The following SAE1 variants were observed in gnomAD, a reference collection of about 807,000 sequenced individuals.
The protein encoded by SAE1 is SUMO1 activating enzyme subunit 1, also known as SUMO-activating enzyme subunit 1.
SAE1 carries 11 observed loss-of-function variants against 40.6 expected under a neutral mutation model. That is an observed-to-expected ratio of 0.27 (90% CI 0.17 to 0.45). The LOEUF is 0.45. Ranked by LOEUF, SAE1 falls within the 20% of genes least tolerant of loss-of-function variation. The probability of loss-of-function intolerance (pLI) is 1.00; values close to 1 mark genes in which losing one functional copy is unlikely to be tolerated. For synonymous variants in SAE1, 155 were observed against 154.3 expected (o/e 1.00, Z -0.03); for missense variants, 373 against 427.3 (o/e 0.87, Z 1.12).
At position 47,209,420 on chromosome 19, in the gene SAE1, C is replaced by T. The variant is rs1440493125; in HGVS notation, c.*169C>T. The T allele has an allele frequency of 1.7e-6, 2 of 1,177,792 alleles. No individual in the cohort carries two copies. Among genetic ancestry groups the T allele is most frequent in the African/African-American group, 3.1e-5 (2 of 65,262 alleles). The allele number at this position is 1,177,792 out of a possible 1,614,324, so 73.0% of individuals were successfully genotyped here. Reference sequence around the variant, plus strand: ...GGTGCCGACGTGCTGCTTCCCATCACCAGCAGCTGCTCGACAAGGGGCGCA... The same window carrying T: ...GGTGCCGACGTGCTGCTTCCCATCATCAGCAGCTGCTCGACAAGGGGCGCA... On this transcript the variant is annotated 3_prime_UTR_variant, in exon 9 of 9. Transcript: ENST00000270225.
At chr19:47,151,064 C>T (rs1049116778) in intron 3 of SAE1, among the ~76,000 whole-genome samples, 1 of 151,970 alleles carries the variant, frequency 6.6e-6, no homozygotes, top group African/African-American at 2.4e-5. Context: ...GTGAAATAGT[C>T]ATAGATGAGC....
At chr19:47,140,562 A>G (rs371839813) in intron 1 of SAE1, among the ~76,000 whole-genome samples, 1 of 151,116 alleles carries the variant, frequency 6.6e-6, no homozygotes, top group Non-Finnish European at 1.5e-5. Flanking sequence ...AGAGGCAGGA[A>G]GATTGCTTGA....
chr19:47,179,064 C>T (rs2058487900), intron 6 of SAE1, among the ~76,000 whole-genome samples: 1 of 151,260 alleles, frequency 6.6e-6, no homozygotes, highest in South Asian at 2.1e-4. Flanking sequence ...TGGTGGCGGG[C>T]GTCTGTAGTC....
At chr19:47,157,066 G>GAAACCACAAAAGAGACTGCAGA (rs1205625812) in intron 5 of SAE1, among the ~76,000 whole-genome samples, 1 of 152,208 alleles carries the variant, frequency 6.6e-6, no homozygotes, top group East Asian at 1.9e-4. Context: ...AAAGAGTGCA[G>GAAACCACAAAAGAGACTGCAGA]AAACCACAAA....
intron 5 of SAE1, among the ~76,000 whole-genome samples, chr19:47,160,295 C>T (rs902971007): frequency 2.8e-5 from 4 of 143,990 alleles, no homozygotes; most frequent in Non-Finnish European, 6.0e-5. Context: ...GATCTCGGCT[C>T]ACTGCAACCT....
intron 6 of SAE1, among the ~76,000 whole-genome samples, chr19:47,181,088 A>G (rs1339453183): frequency 6.6e-6 from 1 of 152,152 alleles, no homozygotes; most frequent in African/African-American, 2.4e-5. Flanking sequence ...AAGCCGAGGC[A>G]GGTGGATCAC....
Position 47,209,332 on chromosome 19 carries a change from C to G in SAE1, c.*81C>G. ...CTGTCCCCTTCCTTCATGAAGGCAT[C>G]TCCAGGCAAGGAAAACTGAAGTCAT... On this transcript the variant is annotated 3_prime_UTR_variant, in exon 9 of 9. Transcript: ENST00000270225. 1 of 1,605,944 alleles carries G rather than the reference C, an allele frequency of 6.2e-7. No homozygotes were observed. The highest frequency in any genetic ancestry group is 1.3e-5 in the African/African-American group (1 of 74,834).
At chr19:47,168,125 G>A (rs947306806) in intron 5 of SAE1, among the ~76,000 whole-genome samples, 14 of 152,106 alleles carry the variant, frequency 9.2e-5, no homozygotes, top group Non-Finnish European at 1.8e-4. Flanking sequence ...CCCAGGACAC[G>A]GAGGTTGCAG....
chr19:47,184,803 G>T (rs200452248), intron 6 of SAE1, among the ~76,000 whole-genome samples: 1 of 69,886 alleles, frequency 1.4e-5, no homozygotes, highest in South Asian at 6.5e-4. Context: ...TTTTGTTTTT[G>T]TTTTGTTTTG....
At chr19:47,147,268 A>G (rs1189346891) in intron 2 of SAE1, among the ~76,000 whole-genome samples, 1 of 123,976 alleles carries the variant, frequency 8.1e-6, no homozygotes, top group Non-Finnish European at 1.6e-5. Context: ...TGCAGTGGGC[A>G]TGATCATGGC....
chr19:47,180,557 G>A (rs916654225), intron 6 of SAE1, among the ~76,000 whole-genome samples: 2 of 152,102 alleles, frequency 1.3e-5, no homozygotes, highest in African/African-American at 4.8e-5. Flanking sequence ...TGCTATGCCT[G>A]GTGGCTCACC....
At chr19:47,202,870 A>G (rs1462624000) in intron 7 of SAE1, among the ~76,000 whole-genome samples, 2 of 152,140 alleles carry the variant, frequency 1.3e-5, no homozygotes, top group Non-Finnish European at 2.9e-5. Context: ...AGATCGCGCC[A>G]CTGCACTCCA....
chr19:47,148,690 A>C (rs138430318), intron 2 of SAE1, among the ~76,000 whole-genome samples: 1,711 of 151,050 alleles, frequency 0.011, 29 homozygotes, highest in African/African-American at 0.04. Context: ...CCTGGGCTCA[A>C]TGCAGCGTCT....
chr19:47,196,953 C>T (rs866846217), intron 6 of SAE1, among the ~76,000 whole-genome samples: 1 of 151,832 alleles, frequency 6.6e-6, no homozygotes, highest in African/African-American at 2.4e-5. Flanking sequence ...GAGGCCGAGG[C>T]GGGCGGATCA....
chr19:47,135,839 G>T (rs2058175800), intron 1 of SAE1, among the ~76,000 whole-genome samples: 1 of 151,908 alleles, frequency 6.6e-6, no homozygotes. Context: ...TGTCGCCTAG[G>T]CTGGAGTAGG....
chr19:47,181,774 T>A (rs2058508247), intron 6 of SAE1, among the ~76,000 whole-genome samples: 1 of 130,536 alleles, frequency 7.7e-6, no homozygotes, highest in South Asian at 2.9e-4. Context: ...CCAGTGCACC[T>A]GGCCTCTTTT....
rs545876971 is a variant in SAE1, at chr19:47,169,947, C to T, written c.733+24C>T. On this transcript the variant is annotated intron_variant, in intron 6 of 8. Coordinates refer to ENST00000270225, the MANE Select transcript of SAE1 (RefSeq NM_005500.3). The stretch of plus-strand genomic sequence containing the variant: ...AGGTGAGGTCTCAAAGCACAACTTA[C>T]CCCGGGAGAGCTTTTGGCTCTGATT... 9 of 1,553,226 alleles carry T rather than the reference C, an allele frequency of 5.8e-6. No individual in the cohort carries two copies. The African/African-American group carries it at 9.5e-5, about 16-fold the overall frequency.
intron 6 of SAE1, among the ~76,000 whole-genome samples, chr19:47,189,997 T>G (rs779561593): frequency 6.6e-6 from 1 of 152,214 alleles, no homozygotes; most frequent in Non-Finnish European, 1.5e-5. Context: ...TATTCACATA[T>G]CCACAGTTTT....
At chr19:47,146,683 G>A (rs1050843526) in intron 2 of SAE1, among the ~76,000 whole-genome samples, 4 of 152,142 alleles carry the variant, frequency 2.6e-5, no homozygotes, top group African/African-American at 9.7e-5. Flanking sequence ...AAAAGTACTG[G>A]CCCATCCAAG....
Sources: allele counts gnomAD v4.1 joint callset (sites outside exome capture counted in the v4.1 genomes callset), GRCh38; gene constraint gnomAD v4.1.1; transcripts MANE v1.5; gene names NCBI Gene and HGNC (gene_info 2026-07-23, HGNC 2026-07-21).